The following TSPO2 variants were observed in gnomAD, a reference collection of about 807,000 sequenced individuals.
TSPO2 encodes the protein translocator protein 2.
In TSPO2, 15 loss-of-function variants were observed where a neutral mutation model predicts 13.3. That is an observed-to-expected ratio of 1.13 (90% CI 0.75 to 1.73). The LOEUF is 1.73. TSPO2 is among the 40% of genes most tolerant of loss of function. The probability of loss-of-function intolerance (pLI) is 0.00; values close to 1 mark genes in which losing one functional copy is unlikely to be tolerated. For synonymous variants in TSPO2, 81 were observed against 91.6 expected (o/e 0.88, Z 0.66); for missense variants, 202 against 198.3 (o/e 1.02, Z -0.11).
At chr6:41,043,305 G>A in intron 2 of TSPO2, 147 bp downstream of exon 2, 1 of 1,110,060 alleles carries the variant, frequency 9.0e-7, no homozygotes, top group South Asian at 1.6e-5. Flanking sequence ...CAGAAAGTAA[G>A]AAACCCTCTA....
rs1194379043 is a variant in TSPO2, at chr6:41,044,113, TCAG to T, written c.491_493del (p.Gln164del). The T allele has an allele frequency of 6.2e-7, 1 of 1,614,122 alleles. No homozygotes were observed. Among genetic ancestry groups the T allele is most frequent in the East Asian group, 2.2e-5 (1 of 44,880 alleles). On this transcript the variant is annotated inframe_deletion, in exon 4 of 4. Transcript: ENST00000373161. ...ACAGCCTTTGTCCAGTGCACCAGCC[TCAG>T]CCCACGGAGAAGAGTGACTGAGGCC...
chr6:41,042,634 C>T lies in TSPO2; in HGVS notation c.-165C>T. Reference sequence around the variant, plus strand: ...CTGCCCACTGCAGAAAAGCTCATCACCCGGGACCTGATCTCCAGGACTCAG... The same window carrying T: ...CTGCCCACTGCAGAAAAGCTCATCATCCGGGACCTGATCTCCAGGACTCAG... On this transcript the variant is annotated 5_prime_UTR_variant, in exon 1 of 4. Coordinates refer to ENST00000373161, the MANE Select transcript of TSPO2 (RefSeq NM_001010873.3). 3 of 490,118 alleles carry T rather than the reference C, an allele frequency of 6.1e-6. No individual in the cohort carries two copies. Among genetic ancestry groups the T allele is most frequent in the South Asian group, 4.7e-5 (3 of 64,208 alleles). 30.4% of individuals were successfully genotyped at this position (490,118 alleles called of 1,614,324 possible). A position where few individuals can be genotyped will look rare whatever the true frequency, so the allele number is the denominator to read the frequency against.
rs998000630 is a variant in TSPO2 at position 41,044,298 on chromosome 6, T to C, written c.*161T>C. Reference sequence around the variant, plus strand: ...GAAATGGGAAAGGGGGGGAAACTGATTTTACACTTAAATAATAAAATCCTA... The same window carrying C: ...GAAATGGGAAAGGGGGGGAAACTGACTTTACACTTAAATAATAAAATCCTA... On this transcript the variant is annotated 3_prime_UTR_variant, in exon 4 of 4. Coordinates refer to ENST00000373161, the MANE Select transcript of TSPO2 (RefSeq NM_001010873.3). 2 of 647,128 alleles carry C rather than the reference T, an allele frequency of 3.1e-6. No individual in the cohort carries two copies. Among genetic ancestry groups the C allele is most frequent in the Non-Finnish European group, 5.4e-6 (2 of 373,784 alleles). 40.1% of individuals were successfully genotyped at this position (647,128 alleles called of 1,614,324 possible).
chr6:41,043,751 C>T (rs1393265156), intron 3 of TSPO2, 53 bp downstream of exon 3: 2 of 1,564,932 alleles, frequency 1.3e-6, no homozygotes, highest in Non-Finnish European at 1.7e-6. Flanking sequence ...GGTGAAACCA[C>T]CTGGCTCCAG....
chr6:41,041,563 AGAT>A (rs1161702654), upstream of TSPO2, among the ~76,000 whole-genome samples: 1 of 152,216 alleles, frequency 6.6e-6, no homozygotes, highest in African/African-American at 2.4e-5. Context: ...GGAAGGCAGA[AGAT>A]GAGCAAACGG....
rs1356329248 is a variant in TSPO2 at position 41,043,705 on chromosome 6, C to G, written c.315+7C>G. The G allele has an allele frequency of 8.8e-6, 14 of 1,591,288 alleles. No individual in the cohort carries two copies. Among genetic ancestry groups the G allele is most frequent in the African/African-American group, 1.3e-5 (1 of 74,136 alleles). On this transcript the variant is annotated splice_region_variant and intron_variant, in intron 3 of 3. Transcript: ENST00000373161. ...AGTCCACAACCCTGGTCTGGTAAGG[C>G]ACACAGTGCTCAGTAGCAGAAGTAA... is the stretch of plus-strand genomic sequence containing the variant.
At chr6:41,043,417 C>T in intron 2 of TSPO2, 140 bp from the exon 3 acceptor site, 1 of 1,166,398 alleles carries the variant, frequency 8.6e-7, no homozygotes, top group African/African-American at 1.5e-5. Flanking sequence ...AACTCCCTCC[C>T]TGGCCCTTAC....
chr6:41,043,505 T>C (rs1323299816), intron 2 of TSPO2, 52 bp from the exon 3 acceptor site: 2 of 1,531,324 alleles, frequency 1.3e-6, no homozygotes, highest in African/African-American at 2.8e-5. Flanking sequence ...GCCTCCTCCA[T>C]TTGCCACGGA....
Position 41,044,120 on chromosome 6 carries a change from ACGGAGAAGAG to A in TSPO2, c.497_506del (p.Thr166MetfsTer27), listed in dbSNP as rs1762640300. The A allele has an allele frequency of 6.2e-7, 1 of 1,614,108 alleles. No homozygotes were observed. Among genetic ancestry groups the A allele is most frequent in the East Asian group, 2.2e-5 (1 of 44,866 alleles). On this transcript the variant is annotated frameshift_variant, in exon 4 of 4. Coordinates refer to ENST00000373161, the MANE Select transcript of TSPO2 (RefSeq NM_001010873.3). LOFTEE classifies it high-confidence loss of function. The stretch of plus-strand genomic sequence containing the variant: ...TTGTCCAGTGCACCAGCCTCAGCCC[ACGGAGAAGAG>A]TGACTGAGGCCCTAGGGCATGGGAG...
rs780504651 is a variant in TSPO2, at chr6:41,042,989, C to T, written c.4C>T (p.Arg2Trp). Residue 2 changes from arginine to tryptophan, a missense_variant, in exon 2 of 4, where the codon CGG becomes TGG. Coordinates refer to ENST00000373161, the MANE Select transcript of TSPO2 (RefSeq NM_001010873.3). ...AGATTTTGCCTCTTCAAGGTGAATG[C>T]GGCTTCAAGGGGCTATCTTTGTGCT... M[R>W]LQGAIFVLLP... 6.7e-5 allele frequency: 108 copies of T among 1,613,254 alleles called. No individual in the cohort carries two copies. The highest frequency in any genetic ancestry group is 8.4e-5 in the Non-Finnish European group (99 of 1,179,662).
chr6:41,042,805 A>T, intron 1 of TSPO2, 27 bp downstream of exon 1: 1 of 735,908 alleles, frequency 1.4e-6, no homozygotes, highest in Non-Finnish European at 2.4e-6. Context: ...GAGAGAGCTC[A>T]GAGGTACAGG....
chr6:41,044,129 A>G lies in TSPO2; in HGVS notation c.505A>G (p.Ser169Gly). Residue 169 changes from serine (S) to glycine (G), a missense_variant, in exon 4 of 4, where the codon AGT (serine) becomes GGT (glycine). Coordinates refer to ENST00000373161, the MANE Select transcript of TSPO2 (RefSeq NM_001010873.3). Reference sequence around the variant, plus strand: ...GCACCAGCCTCAGCCCACGGAGAAGAGTGACTGAGGCCCTAGGGCATGGGA... The same window carrying G: ...GCACCAGCCTCAGCCCACGGAGAAGGGTGACTGAGGCCCTAGGGCATGGGA... ...PVHQPQPTEK[S>G]D 2 of 1,614,018 alleles carry G rather than the reference A, an allele frequency of 1.2e-6. No individual in the cohort carries two copies. The highest frequency in any genetic ancestry group is 2.2e-5 in the East Asian group (1 of 44,878).
In TSPO2 at chr6:41,042,957, C is replaced by T. The variant is rs535449255; in HGVS notation, c.-20-9C>T. On this transcript the variant is annotated splice_polypyrimidine_tract_variant and intron_variant, in intron 1 of 3. Transcript: ENST00000373161. Reference sequence around the variant, plus strand: ...AGGCTCATCACTAGCATGTTCTCTGCCTCCCCAGATTTTGCCTCTTCAAGG... The same window carrying T: ...AGGCTCATCACTAGCATGTTCTCTGTCTCCCCAGATTTTGCCTCTTCAAGG... The T allele has an allele frequency of 5.0e-6, 8 of 1,612,264 alleles. No individual in the cohort carries two copies. The highest frequency in any genetic ancestry group is 1.3e-5 in the African/African-American group (1 of 74,976).
chr6:41,042,824 TG>T, intron 1 of TSPO2, 46 bp downstream of exon 1: 2 of 799,454 alleles, frequency 2.5e-6, no homozygotes, highest in Non-Finnish European at 4.3e-6. Flanking sequence ...GGACTGGAGC[TG>T]GGCCAGGGAG....
intron 2 of TSPO2, 76 bp downstream of exon 2, chr6:41,043,234 C>T: frequency 6.7e-7 from 1 of 1,503,082 alleles, no homozygotes; most frequent in Non-Finnish European, 9.0e-7. Context: ...GAATTACTCC[C>T]ATATATTGGC....
upstream of TSPO2, among the ~76,000 whole-genome samples, chr6:41,041,502 G>C (rs1395870900): frequency 6.6e-6 from 1 of 152,228 alleles, no homozygotes; most frequent in African/African-American, 2.4e-5. Context: ...GATGGGGGCA[G>C]GGAGGGGCAG....
At chr6:41,043,376 C>G (rs568520532) in intron 2 of TSPO2, among the ~76,000 whole-genome samples, 181 bp from the exon 3 acceptor site, 1 of 152,150 alleles carries the variant, frequency 6.6e-6, no homozygotes, top group South Asian at 2.1e-4. Context: ...CCAGCCCCTC[C>G]TCCACCTCAC....
Position 41,043,002 on chromosome 6 carries a change from C to A in TSPO2, c.17C>A (p.Ala6Asp), listed in dbSNP as rs1302832297. 1 of 1,613,944 alleles carries A rather than the reference C, an allele frequency of 6.2e-7. No homozygotes were observed. The highest frequency in any genetic ancestry group is 1.3e-5 in the African/African-American group (1 of 75,034). ...TCAAGGTGAATGCGGCTTCAAGGGG[C>A]TATCTTTGTGCTCCTGCCCCACCTG... is the stretch of plus-strand genomic sequence containing the variant. Reference protein sequence around the residue: MRLQGAIFVLLPHLGP... With the variant: MRLQGDIFVLLPHLGP... Residue 6 changes from alanine to aspartate, a missense_variant, in exon 2 of 4, where the codon GCT becomes GAT. By Grantham distance (126) the Ala-to-Asp change is moderately radical. Transcript: ENST00000373161.
At position 41,043,093 on chromosome 6, in the gene TSPO2, G is replaced by A; in HGVS notation, c.108G>A (p.Met36Ile). 1 of 1,614,164 alleles carries A rather than the reference G, an allele frequency of 6.2e-7. No homozygotes were observed. The highest frequency in any genetic ancestry group is 8.5e-7 in the Non-Finnish European group (1 of 1,180,020). Residue 36 changes from methionine (M) to isoleucine (I), a missense_variant, in exon 2 of 4, where the codon ATG (methionine) becomes ATA (isoleucine). By Grantham distance (10) the Met-to-Ile change is conservative (BLOSUM62 1). Transcript: ENST00000373161. ...CTGGTTGGTGTGAGGGCCCGAGGAT[G>A]CTGTCCTGGTGCCCATTCTACAAAG... ...HMSGWCEGPR[M>I]LSWCPFYKVL... is the part of the protein sequence containing the mutation.
Sources: allele counts gnomAD v4.1 joint callset (sites outside exome capture counted in the v4.1 genomes callset), GRCh38; gene constraint gnomAD v4.1.1; transcripts MANE v1.5; gene names NCBI Gene and HGNC (gene_info 2026-07-23, HGNC 2026-07-21).